FBXO34: variants seen among roughly 807,000 people sequenced by gnomAD.
FBXO34 encodes the protein F-box only protein 34.
FBXO34 carries 12 observed loss-of-function variants against 24.5 expected under a neutral mutation model. The observed-to-expected ratio is 0.49, with a 90% CI of 0.31 to 0.79. FBXO34 has a LOEUF of 0.79. Among genes scored for constraint, FBXO34 ranks in the 30% least tolerant of loss-of-function variants. FBXO34 has a pLI of 0.04. For synonymous variants in FBXO34, 320 were observed against 311.9 expected (o/e 1.03, Z -0.27); for missense variants, 823 against 857.7 (o/e 0.96, Z 0.51).
chr14:55,317,946 G>C (rs1207161111), intron 1 of FBXO34, among the ~76,000 whole-genome samples: 2 of 152,124 alleles, frequency 1.3e-5, no homozygotes, highest in African/African-American at 4.8e-5. Flanking sequence ...AGGGAATATG[G>C]GAATTGGATT....
chr14:55,349,731 C>T (rs985685423), intron 1 of FBXO34, among the ~76,000 whole-genome samples: 1 of 151,296 alleles, frequency 6.6e-6, no homozygotes, highest in Non-Finnish European at 1.5e-5. Flanking sequence ...CTCAGCCTCT[C>T]GAGTAGCTGG....
chr14:55,345,431 A>G (rs930207884), intron 1 of FBXO34, among the ~76,000 whole-genome samples: 2 of 152,168 alleles, frequency 1.3e-5, no homozygotes, highest in African/African-American at 4.8e-5. Context: ...GACTTTGCGT[A>G]TCTTCCCTCA....
At position 55,335,443 on chromosome 14, in the gene FBXO34, C is replaced by T. The variant is rs967959650; in HGVS notation, c.-10-14938C>T. On this transcript the variant is annotated intron_variant, in intron 1 of 1. Coordinates refer to ENST00000313833, the MANE Select transcript of FBXO34 (RefSeq NM_017943.4). ...GAAACATTTCTGTTAAAACAAACTT[C>T]TGACTTTGATCTGTGACTTATATTT... 3.3e-5 allele frequency: 5 copies of T among 152,292 alleles called. No individual in the cohort carries two copies. In the East Asian group the frequency reaches 9.6e-4, roughly 29 times the overall value. The allele number at this position is 152,292 out of a possible 1,614,324, so 9.4% of individuals were successfully genotyped here.
intron 1 of FBXO34, among the ~76,000 whole-genome samples, chr14:55,340,764 C>T (rs915075500): frequency 1.3e-5 from 2 of 152,090 alleles, no homozygotes; most frequent in African/African-American, 4.8e-5. Context: ...AGTAGCTGTA[C>T]TCTTATTTTT....
the FBXO34 span, among the ~76,000 whole-genome samples, chr14:55,412,499 A>G: frequency 6.6e-6 from 1 of 152,188 alleles, no homozygotes; most frequent in African/African-American, 2.4e-5. Flanking sequence ...ACCCTGGGCC[A>G]TGCTCTAAGA....
In FBXO34 at chr14:55,350,160, TA is replaced by T. The variant is rs60811559; in HGVS notation, c.-10-206del. Among the ~76,000 whole-genome samples the T allele has an allele frequency of 4.2e-3, 577 of 138,938 alleles. 1 individual carries two copies. The highest frequency in any genetic ancestry group is 6.5e-3 in the African/African-American group (246 of 37,718). 91.1% of individuals were successfully genotyped at this position (138,938 alleles called of 152,430 possible). A position where few individuals can be genotyped will look rare whatever the true frequency, so the allele number is the denominator to read the frequency against. ...TCAGTCAAAACCAATTTATTTTCTG[TA>T]AAAAAAAAAAAAAAGTACTACACAC... On this transcript the variant is annotated intron_variant, in intron 1 of 1. Transcript: ENST00000313833.
At chr14:55,343,502 G>A (rs1884059689) in intron 1 of FBXO34, among the ~76,000 whole-genome samples, 1 of 152,048 alleles carries the variant, frequency 6.6e-6, no homozygotes, top group African/African-American at 2.4e-5. Flanking sequence ...GCCTGCCTCG[G>A]CCTCCCAAAG....
At chr14:55,319,833 G>A (rs1883067446) in intron 1 of FBXO34, among the ~76,000 whole-genome samples, 1 of 151,952 alleles carries the variant, frequency 6.6e-6, no homozygotes, top group Non-Finnish European at 1.5e-5. Flanking sequence ...CCGCCACCAC[G>A]CCCAGCTAAT....
At position 55,367,590 on chromosome 14, in the gene FBXO34, A is replaced by G. The variant is rs1345823345; in HGVS notation, c.*788A>G. 2.0e-5 allele frequency: 3 copies of G among 152,228 alleles called. No individual in the cohort carries two copies. In the East Asian group the frequency reaches 5.8e-4, roughly 29 times the overall value. 9.4% of individuals were successfully genotyped at this position (152,228 alleles called of 1,614,324 possible). A position where few individuals can be genotyped will look rare whatever the true frequency, so the allele number is the denominator to read the frequency against. On this transcript the variant is annotated 3_prime_UTR_variant and NMD_transcript_variant, in exon 3 of 3. Coordinates refer to the FBXO34 transcript ENST00000680658. The stretch of plus-strand genomic sequence containing the variant: ...AAAACCCCCGTCTTTACTAAAATAC[A>G]AAAATTAGCTGGGCATGATGGCAGG...
At chr14:55,413,601 C>T in the FBXO34 span, 3 of 443,296 alleles carry the variant, frequency 6.8e-6, no homozygotes, top group Non-Finnish European at 1.4e-5. Context: ...GCCCAGGCTC[C>T]CTCCATTGGT....
chr14:55,422,285 T>C, the FBXO34 span, among the ~76,000 whole-genome samples: 1 of 152,124 alleles, frequency 6.6e-6, no homozygotes, highest in African/African-American at 2.4e-5. Flanking sequence ...GTGAAATGTA[T>C]AAAAAGACAA....
At position 55,351,746 on chromosome 14, in the gene FBXO34, A is replaced by G. The variant is rs1350650795; in HGVS notation, c.1356A>G (p.Glu452=). Residue 452 remains glutamate, a synonymous_variant, in exon 2 of 2, where the codon GAA becomes GAG. Coordinates refer to ENST00000313833, the MANE Select transcript of FBXO34 (RefSeq NM_017943.4). ...GCCGAAATCCTGATCAAAGAAAAGA[A>G]TCTTTGTGCATTAGTATCACTGTGT... The part of the protein sequence containing the change: ...LTSRNPDQRK[E]SLCISITVSK... The G allele has an allele frequency of 6.2e-7, 1 of 1,614,078 alleles. No individual in the cohort carries two copies.
At chr14:55,301,726 C>T (rs1479845557) in intron 1 of FBXO34, among the ~76,000 whole-genome samples, 1 of 152,168 alleles carries the variant, frequency 6.6e-6, no homozygotes, top group Non-Finnish European at 1.5e-5. Context: ...CCAGGGATGT[C>T]ATGCCCAGTG....
At chr14:55,379,577 T>A in the FBXO34 span, among the ~76,000 whole-genome samples, 14 of 152,082 alleles carry the variant, frequency 9.2e-5, no homozygotes, top group South Asian at 2.1e-4. Flanking sequence ...TTTAATTTTT[T>A]AAAAAAATTA....
downstream of FBXO34, among the ~76,000 whole-genome samples, chr14:55,358,121 G>T (rs1296866140): frequency 6.6e-6 from 1 of 151,960 alleles, no homozygotes; most frequent in African/African-American, 2.4e-5. Context: ...TCTGCTACAG[G>T]GTGTGTGGCC....
At chr14:55,411,784 C>A in the FBXO34 span, 1 of 1,602,918 alleles carries the variant, frequency 6.2e-7, no homozygotes, top group Non-Finnish European at 8.5e-7. Context: ...AGCCAGGAGC[C>A]TCCAGCGCCC....
At chr14:55,354,819 G>A (rs946600047), downstream of FBXO34, among the ~76,000 whole-genome samples, 1 of 152,112 alleles carries the variant, frequency 6.6e-6, no homozygotes, top group Non-Finnish European at 1.5e-5. Flanking sequence ...TGCCAAGCTG[G>A]TGAAAACAGC....
intron 1 of FBXO34, among the ~76,000 whole-genome samples, chr14:55,304,227 A>T (rs914436467): frequency 6.6e-6 from 1 of 152,196 alleles, no homozygotes; most frequent in South Asian, 2.1e-4. Context: ...TCTACCATGT[A>T]TTGAGTGCTG....
rs1882593661 is a variant in FBXO34, at chr14:55,307,541, T to C, written c.-11+36004T>C. On this transcript the variant is annotated intron_variant, in intron 1 of 1. Transcript: ENST00000313833. ...GTTTAGAAATTTGGTTATAATCCCT[T>C]TACTTCACTGCACATCTTTACCTTG... Among the ~76,000 whole-genome samples, 3 of 152,226 alleles carry C rather than the reference T, an allele frequency of 2.0e-5. No homozygotes were observed. In the South Asian group the frequency reaches 6.2e-4, roughly 32 times the overall value.
Sources: allele counts gnomAD v4.1 joint callset (sites outside exome capture counted in the v4.1 genomes callset), GRCh38; gene constraint gnomAD v4.1.1; transcripts MANE v1.5; gene names NCBI Gene and HGNC (gene_info 2026-07-23, HGNC 2026-07-21).